Variants in CENPE observed in about 807,000 individuals in gnomAD.
The protein encoded by CENPE is centromere protein E.
A neutral mutation model predicts 336.1 loss-of-function variants in CENPE; 145 were observed. That is an observed-to-expected ratio of 0.43 (90% CI 0.38 to 0.50). The LOEUF (loss-of-function observed/expected upper bound fraction) is 0.50. CENPE is among the 20% of genes least tolerant of loss of function. The pLI is 0.00. For synonymous variants in CENPE, 1,013 were observed against 984.8 expected (o/e 1.03, Z -0.54); for missense variants, 2,719 against 3,023.3 (o/e 0.90, Z 2.36).
rs1225437372 is a variant in CENPE at position 103,144,063 on chromosome 4, A to C, written c.5145+268T>G. 2.6e-5 allele frequency among the ~76,000 whole-genome samples: 4 copies of C among 151,974 alleles called. No homozygotes were observed. The East Asian group carries it at 7.7e-4, about 29-fold the overall frequency. On this transcript the variant is annotated intron_variant, in intron 33 of 48. Coordinates refer to ENST00000265148, the MANE Select transcript of CENPE (RefSeq NM_001813.3). ...GCCATTCTCCTGTCTCAGCCTCCCA[A>C]GTAGCTGGGACTACAGGCGCCCACC...
Position 103,196,271 on chromosome 4 carries a change from A to G in CENPE, c.149-19T>C, listed in dbSNP as rs1246286837. 2 of 1,561,614 alleles carry G rather than the reference A, an allele frequency of 1.3e-6. No individual in the cohort carries two copies. Among genetic ancestry groups the G allele is most frequent in the Non-Finnish European group, 1.8e-6 (2 of 1,134,188 alleles). ...ACACGATCTAAACAACAACAACAACAACAACAACACAGAAGTTAAATCAAA... is the reference window on the plus strand; with the variant it reads ...ACACGATCTAAACAACAACAACAACGACAACAACACAGAAGTTAAATCAAA... On this transcript the variant is annotated intron_variant, in intron 2 of 48. Transcript: ENST00000265148.
intron 8 of CENPE, among the ~76,000 whole-genome samples, chr4:103,189,308 T>G (rs980419742): frequency 2.0e-5 from 3 of 152,208 alleles, no homozygotes; most frequent in Admixed American, 2.0e-4. Flanking sequence ...AGCATCATCC[T>G]GAAACCAAAG....
intron 16 of CENPE, among the ~76,000 whole-genome samples, chr4:103,170,704 C>T (rs1043810134): frequency 7.2e-5 from 11 of 152,044 alleles, no homozygotes; most frequent in Non-Finnish European, 7.4e-5. Flanking sequence ...GTAGTTCCTA[C>T]CTATCAATGT....
At chr4:103,124,469 T>C (rs962400317) in intron 42 of CENPE, among the ~76,000 whole-genome samples, 11 of 152,238 alleles carry the variant, frequency 7.2e-5, no homozygotes, top group Non-Finnish European at 1.5e-4. Flanking sequence ...AATCATTATA[T>C]ATGCTATGGC....
rs761218247 is a variant in CENPE at position 103,136,156 on chromosome 4, G to A, written c.6507C>T (p.Ile2169=). The part of the protein sequence containing the change: ...NQRCSMEFHR[I]MKKLKYVLSY... ...AAGATGGTACCTTCAGTTTCTTCATGATTCTGTGGAATTCCATGGAGCATC... is the reference window on the plus strand; with the variant it reads ...AAGATGGTACCTTCAGTTTCTTCATAATTCTGTGGAATTCCATGGAGCATC... Residue 2169 remains isoleucine, a synonymous_variant, in exon 40 of 49, where the codon ATC becomes ATT. Transcript: ENST00000265148. 1.2e-5 allele frequency: 19 copies of A among 1,612,334 alleles called. No homozygotes were observed. Among genetic ancestry groups the A allele is most frequent in the Non-Finnish European group, 1.6e-5 (19 of 1,179,216 alleles).
In CENPE at chr4:103,136,303, C is replaced by A; in HGVS notation, c.6360G>T (p.Leu2120Phe). The A allele has an allele frequency of 1.2e-6, 2 of 1,613,128 alleles. No individual in the cohort carries two copies. The highest frequency in any genetic ancestry group is 1.7e-6 in the Non-Finnish European group (2 of 1,179,776). The change falls in exon 40 of 49, where the codon TTG (leucine) becomes TTT (phenylalanine). Residue 2120 changes from leucine to phenylalanine, a missense_variant. Around this residue, in one of 5 missense-constraint regions of CENPE, gnomAD observed 2,437 missense variants for 2,513.3 expected, o/e 0.97. Coordinates refer to ENST00000265148, the MANE Select transcript of CENPE (RefSeq NM_001813.3). Reference sequence around the variant, plus strand: ...CAATTTCCTTCTCCAAGTCAAGAGACAATCTATTCAAGCACTCATAATGAT... The same window carrying A: ...CAATTTCCTTCTCCAAGTCAAGAGAAAATCTATTCAAGCACTCATAATGAT... ...MDDHYECLNR[L>F]SLDLEKEIEF... is the part of the protein sequence containing the mutation.
At position 103,197,594 on chromosome 4, in the gene CENPE, A is replaced by G. The variant is rs567836441; in HGVS notation, c.56+670T>C. On this transcript the variant is annotated intron_variant, in intron 1 of 48. Coordinates refer to ENST00000265148, the MANE Select transcript of CENPE (RefSeq NM_001813.3). ...TCAATAAAAATTTCTCACACACACAAAGTGTTAGCATTTCGGGTCGAGGGC... is the reference window on the plus strand; with the variant it reads ...TCAATAAAAATTTCTCACACACACAGAGTGTTAGCATTTCGGGTCGAGGGC... Among the ~76,000 whole-genome samples, 8 of 152,288 alleles carry G rather than the reference A, an allele frequency of 5.3e-5. No individual in the cohort carries two copies. The East Asian group carries it at 1.5e-3, about 29-fold the overall frequency.
chr4:103,174,736 C>T lies in CENPE; in HGVS notation c.1647G>A (p.Glu549=). 4 of 1,507,934 alleles carry T rather than the reference C, an allele frequency of 2.7e-6. No individual in the cohort carries two copies. Among genetic ancestry groups the T allele is most frequent in the Non-Finnish European group, 3.5e-6 (4 of 1,128,008 alleles). 93.4% of individuals were successfully genotyped at this position (1,507,934 alleles called of 1,614,324 possible). ...ALERKTKKDQ[E]MQLIHEISNL... The stretch of plus-strand genomic sequence containing the variant: ...AGTTTTACATTTCTGTCTCTCTTAC[C>T]TCTTGATCTTTTTTAGTTTTTCTTT... Residue 549 remains glutamate, a splice_region_variant and synonymous_variant, in exon 16 of 49, where the codon GAG becomes GAA. Transcript: ENST00000265148.
rs1752840212 is a variant in CENPE, at chr4:103,144,457, T to C, written c.5019A>G (p.Ile1673Met). Residue 1673 changes from isoleucine (I) to methionine (M), a missense_variant, in exon 33 of 49, where the codon ATA becomes ATG. Around this residue, in one of 5 missense-constraint regions of CENPE, gnomAD observed 2,437 missense variants for 2,513.3 expected, o/e 0.97. Coordinates refer to ENST00000265148, the MANE Select transcript of CENPE (RefSeq NM_001813.3). Reference protein sequence around the residue: ...IETENIRLTQILHENLEEMRS... With the variant: ...IETENIRLTQMLHENLEEMRS... ...TCATTTCTTCAAGGTTTTCATGTAG[T>C]ATCTGAGTCAACCTTATATTCTCCG... The C allele has an allele frequency of 1.2e-6, 2 of 1,614,158 alleles. No individual in the cohort carries two copies. The highest frequency in any genetic ancestry group is 1.7e-6 in the Non-Finnish European group (2 of 1,180,008).
At chr4:103,117,297 A>C (rs1473002676) in intron 44 of CENPE, among the ~76,000 whole-genome samples, 1 of 152,188 alleles carries the variant, frequency 6.6e-6, no homozygotes, top group Admixed American at 6.5e-5. Context: ...ATAAGTGATG[A>C]ATATTGATAC....
At chr4:103,144,097 T>C (rs962703970) in intron 33 of CENPE, among the ~76,000 whole-genome samples, 1 of 151,972 alleles carries the variant, frequency 6.6e-6, no homozygotes, top group Non-Finnish European at 1.5e-5. Flanking sequence ...CCACCACGCC[T>C]GCCTAATTTT....
intron 33 of CENPE, among the ~76,000 whole-genome samples, chr4:103,144,082 G>A (rs761309722): frequency 1.1e-4 from 17 of 152,066 alleles, no homozygotes; most frequent in South Asian, 2.1e-4. Context: ...GACTACAGGC[G>A]CCCACCACCA....
At chr4:103,119,385 A>G (rs1236291634) in intron 44 of CENPE, among the ~76,000 whole-genome samples, 18 of 152,224 alleles carry the variant, frequency 1.2e-4, no homozygotes, top group Non-Finnish European at 2.6e-4. Flanking sequence ...AAAAATTACA[A>G]CATTCTAAAA....
chr4:103,130,696 C>T (rs1296930042), intron 42 of CENPE, among the ~76,000 whole-genome samples: 2 of 151,838 alleles, frequency 1.3e-5, no homozygotes, highest in Non-Finnish European at 2.9e-5. Flanking sequence ...CCAGAATAAC[C>T]AACACAATGC....
chr4:103,140,729 C>A (rs1752480590), intron 36 of CENPE, 85 bp downstream of exon 36: 3 of 1,140,626 alleles, frequency 2.6e-6, no homozygotes, highest in South Asian at 1.7e-5. Context: ...AGGTTTTAGT[C>A]ACCAGACACA....
chr4:103,149,544 T>C, intron 26 of CENPE, 136 bp from the exon 27 acceptor site: 1 of 757,378 alleles, frequency 1.3e-6, no homozygotes, highest in Non-Finnish European at 2.0e-6. Context: ...CTCACAGGCA[T>C]AAATGTCTGC....
intron 8 of CENPE, among the ~76,000 whole-genome samples, chr4:103,188,318 C>A (rs1004619781): frequency 7.2e-5 from 11 of 152,212 alleles, no homozygotes; most frequent in Non-Finnish European, 1.0e-4. Context: ...ATAGAACTCT[C>A]CACCCCAAAT....
intron 32 of CENPE, 127 bp downstream of exon 32, chr4:103,144,923 A>G: frequency 1.2e-6 from 1 of 862,252 alleles, no homozygotes; most frequent in Non-Finnish European, 1.7e-6. Context: ...GCAGTTTTTG[A>G]TTCCTCTTTT....
At chr4:103,191,313 T>C (rs1408480790) in intron 8 of CENPE, among the ~76,000 whole-genome samples, 3 of 152,296 alleles carry the variant, frequency 2.0e-5, no homozygotes, top group Admixed American at 6.5e-5. Flanking sequence ...ACCCAAAGGA[T>C]TATAAAATCA....
Sources: gnomAD v4.1 joint callset for allele counts (sites outside exome capture counted in the v4.1 genomes callset) on GRCh38, gnomAD v4.1.1 for gene constraint, gnomAD v4.1.1 regional missense constraint, MANE v1.5 for transcripts, NCBI Gene and HGNC (gene_info 2026-07-23, HGNC 2026-07-21) for gene names.